Variants in PRAG1 observed in about 807,000 individuals in gnomAD.
PRAG1 encodes the protein PEAK1 related, kinase-activating pseudokinase 1, also known as inactive tyrosine-protein kinase PRAG1.
A neutral mutation model predicts 95.6 loss-of-function variants in PRAG1; 110 were observed. The ratio of observed to expected loss-of-function variants is 1.15; its 90% CI spans 0.99 to 1.35. The LOEUF (loss-of-function observed/expected upper bound fraction) is 1.35, where lower values mean the gene tolerates loss of function less well. Among genes scored for constraint, PRAG1 ranks in the 40% most tolerant of loss-of-function variants. The pLI, the probability that PRAG1 is intolerant of heterozygous loss-of-function variation, is 0.00. For missense variants in PRAG1, 2,554 were observed against 1,864.7 expected, an observed-to-expected ratio of 1.37 and a Z score of -6.81; for synonymous variants, 1,052 against 819.4, an observed-to-expected ratio of 1.28 and a Z score of -4.85.
chr8:8,318,919 C>A lies in PRAG1; in HGVS notation c.3456G>T (p.Leu1152=). The part of the protein sequence containing the change: ...IHRDLCLENL[L]LVHCTLQAGP... ...CGGCCTGGAGGGTGCAGTGCACCAG[C>A]AGCAGGTTCTCCAGGCACAGGTCCC... Residue 1152 remains leucine (L), a synonymous_variant, in exon 6 of 6, where the codon CTG becomes CTT. Coordinates refer to ENST00000615670, the MANE Select transcript of PRAG1 (RefSeq NM_001080826.3). The surrounding 1 kb of genome is among the most constrained non-coding windows in gnomAD (Gnocchi z 4.2). The A allele has an allele frequency of 6.2e-7, 1 of 1,609,088 alleles. No homozygotes were observed. The highest frequency in any genetic ancestry group is 8.5e-7 in the Non-Finnish European group (1 of 1,178,218).
chr8:8,318,853 GGGGGCGGGAGCC>G lies in PRAG1; in HGVS notation c.3510_3521del (p.Pro1172_Ala1175del). ...AGGAGCAGGGAGGCGCGGCGGCGGC[GGGGGCGGGAGCC>G]GGGGCGGGGGCGGGGGCGGGCCCGG... On this transcript the variant is annotated inframe_deletion, in exon 6 of 6. Transcript: ENST00000615670. This position sits in a 1 kb window ranked among gnomAD's most constrained non-coding sequence, Gnocchi z 4.2. 3 of 1,264,434 alleles carry G rather than the reference GGGGGCGGGAGCC, an allele frequency of 2.4e-6. No individual in the cohort carries two copies. The highest frequency in any genetic ancestry group is 1.7e-5 in the African/African-American group (1 of 60,134). The allele number at this position is 1,264,434 out of a possible 1,614,324, so 78.3% of individuals were successfully genotyped here.
Position 8,318,504 on chromosome 8 carries a change from G to A in PRAG1, c.3871C>T (p.Pro1291Ser). The A allele has an allele frequency of 6.2e-7, 1 of 1,611,556 alleles. No individual in the cohort carries two copies. Among genetic ancestry groups the A allele is most frequent in the Non-Finnish European group, 8.5e-7 (1 of 1,179,540 alleles). ...CCGGGTGAGTAGAGGGACAGCGCGG[G>A]CAGCGGCGGCAGGTCCTCCTGCCGG... ...DYRQEDLPPLPALSLYSPGLQ... is the reference protein window; with the variant it reads ...DYRQEDLPPLSALSLYSPGLQ... The change falls in exon 6 of 6, where the codon CCC becomes TCC. Residue 1291 changes from proline to serine, a missense_variant. Pro to Ser is a moderately conservative substitution (Grantham distance 74). Transcript: ENST00000615670. The surrounding 1 kb of genome is among the most constrained non-coding windows in gnomAD (Gnocchi z 4.2).
intron 3 of PRAG1, among the ~76,000 whole-genome samples, chr8:8,354,652 C>T (rs1406940011): frequency 6.6e-6 from 1 of 152,110 alleles, no homozygotes; most frequent in Non-Finnish European, 1.5e-5. Flanking sequence ...TGTAATATGT[C>T]ACATTAACAG....
Position 8,318,845 on chromosome 8 carries a change from G to T in PRAG1, c.3530C>A (p.Ala1177Asp). 1 of 1,270,082 alleles carries T rather than the reference G, an allele frequency of 7.9e-7. No individual in the cohort carries two copies. The highest frequency in any genetic ancestry group is 2.5e-5 in the South Asian group (1 of 40,140). 78.7% of individuals were successfully genotyped at this position (1,270,082 alleles called of 1,614,324 possible). A position where few individuals can be genotyped will look rare whatever the true frequency, so the allele number is the denominator to read the frequency against. ...GGCGGCAGAGGAGCAGGGAGGCGCG[G>T]CGGCGGCGGGGGCGGGAGCCGGGGC... ...APAPAPAPAAAAPPCSSAAPP... is the reference protein window; with the variant it reads ...APAPAPAPAADAPPCSSAAPP... Residue 1177 changes from alanine to aspartate, a missense_variant, in exon 6 of 6, where the codon GCC (alanine) becomes GAC (aspartate). Transcript: ENST00000615670. This position sits in a 1 kb window ranked among gnomAD's most constrained non-coding sequence, Gnocchi z 4.2.
intron 3 of PRAG1, among the ~76,000 whole-genome samples, chr8:8,371,090 A>C (rs117922409): frequency 0.014 from 2,121 of 148,078 alleles, 21 homozygotes; most frequent in Non-Finnish European, 0.022. Flanking sequence ...AAGGCAAGGT[A>C]CCACCACTGT....
At position 8,381,837 on chromosome 8, in the gene PRAG1, A is replaced by G; in HGVS notation, c.-87-3T>C. On this transcript the variant is annotated splice_polypyrimidine_tract_variant and splice_region_variant and intron_variant, in intron 1 of 5. Coordinates refer to ENST00000615670, the MANE Select transcript of PRAG1 (RefSeq NM_001080826.3). Reference sequence around the variant, plus strand: ...GAGGTGGGTCACAGAGCGGCTTCCTAGAAAGGCAGGACAGTTTCCTGATTA... The same window carrying G: ...GAGGTGGGTCACAGAGCGGCTTCCTGGAAAGGCAGGACAGTTTCCTGATTA... 9.5e-7 allele frequency: 1 copy of G among 1,050,908 alleles called. No individual in the cohort carries two copies. Among genetic ancestry groups the G allele is most frequent in the Non-Finnish European group, 1.4e-6 (1 of 740,368 alleles). 65.1% of individuals were successfully genotyped at this position (1,050,908 alleles called of 1,614,324 possible).
chr8:8,324,975 G>C (rs748843838), intron 5 of PRAG1, among the ~76,000 whole-genome samples: 2 of 152,204 alleles, frequency 1.3e-5, no homozygotes, highest in Non-Finnish European at 2.9e-5. Context: ...CATCAGCAAG[G>C]AGCAGGTGTG....
In PRAG1 at chr8:8,377,062, A is replaced by T; in HGVS notation, c.1347T>A (p.Asn449Lys). Reference protein sequence around the residue: ...AQGQGQVCTGNAWAQKAASGW... With the variant: ...AQGQGQVCTGKAWAQKAASGW... ...CAGATGCTGCTTTCTGGGCCCAGGCATTACCTGTGCATACCTGGCCTTGGC... is the reference window on the plus strand; with the variant it reads ...CAGATGCTGCTTTCTGGGCCCAGGCTTTACCTGTGCATACCTGGCCTTGGC... Residue 449 changes from asparagine (N) to lysine (K), a missense_variant, in exon 3 of 6, where the codon AAT (asparagine) becomes AAA (lysine). Asn to Lys is a moderately conservative substitution (Grantham distance 94, BLOSUM62 0). Coordinates refer to ENST00000615670, the MANE Select transcript of PRAG1 (RefSeq NM_001080826.3). The T allele has an allele frequency of 6.2e-7, 1 of 1,613,974 alleles. No individual in the cohort carries two copies. Among genetic ancestry groups the T allele is most frequent in the Non-Finnish European group, 8.5e-7 (1 of 1,180,026 alleles).
intron 3 of PRAG1, among the ~76,000 whole-genome samples, chr8:8,350,688 T>G (rs551554942): frequency 6.6e-6 from 1 of 152,330 alleles, no homozygotes; most frequent in East Asian, 1.9e-4. Flanking sequence ...TGAACACTGG[T>G]GCTTCACGGC....
In PRAG1 at chr8:8,318,217, C is replaced by T; in HGVS notation, c.4158G>A (p.Gln1386=). Residue 1386 remains glutamine (Q), a synonymous_variant, in exon 6 of 6, where the codon CAG becomes CAA. Transcript: ENST00000615670. The surrounding 1 kb of genome is among the most constrained non-coding windows in gnomAD (Gnocchi z 4.2). ...CCCCGGGCTCCGCAGACGCCAGGTA[C>T]TGGCAGCAAAGCCAGTCCTCCAGCT... ...GVELEDWLCC[Q]YLASAEPGAL... is the part of the protein sequence containing the mutation. 6 of 1,614,156 alleles carry T rather than the reference C, an allele frequency of 3.7e-6. No individual in the cohort carries two copies. Among genetic ancestry groups the T allele is most frequent in the Non-Finnish European group, 5.1e-6 (6 of 1,180,016 alleles).
chr8:8,318,765 G>A lies in PRAG1; in HGVS notation c.3610C>T (p.Pro1204Ser). The change falls in exon 6 of 6, where the codon CCC (proline) becomes TCC (serine). Residue 1204 changes from proline to serine, a missense_variant. Physicochemically the swap from Pro to Ser is moderately conservative, Grantham distance 74. Coordinates refer to ENST00000615670, the MANE Select transcript of PRAG1 (RefSeq NM_001080826.3). The surrounding 1 kb of genome is among the most constrained non-coding windows in gnomAD (Gnocchi z 4.2). ...AGCCGGGGCAGCTGCTTCTCCCGGG[G>A]CCCTTCCGGGGAGGCGGGGCCGGCT... ...PAAGPASPEGPREKQLPRLII... is the reference protein window; with the variant it reads ...PAAGPASPEGSREKQLPRLII... The A allele has an allele frequency of 2.5e-6, 4 of 1,574,774 alleles. No individual in the cohort carries two copies. Among genetic ancestry groups the A allele is most frequent in the Non-Finnish European group, 3.4e-6 (4 of 1,160,492 alleles).
intron 3 of PRAG1, among the ~76,000 whole-genome samples, chr8:8,355,120 A>T (rs1437590193): frequency 1.4e-5 from 2 of 147,830 alleles, no homozygotes; most frequent in Non-Finnish European, 3.0e-5. Flanking sequence ...TTCCACATAC[A>T]AAAAAACAAT....
At chr8:8,384,385 A>G (rs1179811855) in intron 1 of PRAG1, among the ~76,000 whole-genome samples, 1 of 151,756 alleles carries the variant, frequency 6.6e-6, no homozygotes, top group Admixed American at 6.6e-5. Context: ...GTTTACGAGC[A>G]CTCTTTGCTC....
intron 3 of PRAG1, among the ~76,000 whole-genome samples, chr8:8,356,512 A>AT (rs1839298104): frequency 6.6e-6 from 1 of 151,930 alleles, no homozygotes; most frequent in Non-Finnish European, 1.5e-5. Context: ...TGCCCAGCTA[A>AT]TTTTTTTGTA....
rs201037392 is a variant in PRAG1 at position 8,318,976 on chromosome 8, C to T, written c.3399G>A (p.Leu1133=). ...CFLLLQLCNG[L]EHLKEHGIIH... is the part of the protein sequence containing the mutation. ...TGATCCCGTGCTCCTTCAGGTGCTC[C>T]AGCCCGTTGCAGAGTTGCAGAAGCA... The change falls in exon 6 of 6, where the codon CTG becomes CTA. Residue 1133 remains leucine, a synonymous_variant. Coordinates refer to ENST00000615670, the MANE Select transcript of PRAG1 (RefSeq NM_001080826.3). This position sits in a 1 kb window ranked among gnomAD's most constrained non-coding sequence, Gnocchi z 4.2. The T allele has an allele frequency of 6.8e-5, 109 of 1,613,312 alleles. No homozygotes were observed. In the African/African-American group the frequency reaches 1.2e-3, roughly 18 times the overall value.
rs537610967 is a variant in PRAG1, at chr8:8,369,889, C to G, written c.2162+6358G>C. 2.6e-5 allele frequency among the ~76,000 whole-genome samples: 4 copies of G among 152,096 alleles called. No homozygotes were observed. In the East Asian group the frequency reaches 7.7e-4, roughly 29 times the overall value. ...AAGAACCTGTCTCAACAAAGGGAAT[C>G]AAAGCAGGGGTCAAGCTTTGACAGT... is the stretch of plus-strand genomic sequence containing the variant. On this transcript the variant is annotated intron_variant, in intron 3 of 5. Coordinates refer to ENST00000615670, the MANE Select transcript of PRAG1 (RefSeq NM_001080826.3).
intron 3 of PRAG1, among the ~76,000 whole-genome samples, chr8:8,354,389 A>C (rs945222075): frequency 6.6e-6 from 1 of 152,116 alleles, no homozygotes; most frequent in African/African-American, 2.4e-5. Flanking sequence ...CCAAAAAAAA[A>C]AAATAATAAT....
rs1376210417 is a variant in PRAG1, at chr8:8,377,757, T to C, written c.652A>G (p.Thr218Ala). 1.2e-6 allele frequency: 2 copies of C among 1,614,064 alleles called. No homozygotes were observed. The highest frequency in any genetic ancestry group is 1.7e-6 in the Non-Finnish European group (2 of 1,180,002). ...RQKLAAFAGT[T>A]SGCHQGPGPL... ...CCAGGGCCCTGGTGACAGCCAGATG[T>C]GGTCCCAGCAAAGGCAGCCAGTTTC... is the stretch of plus-strand genomic sequence containing the variant. Residue 218 changes from threonine to alanine, a missense_variant, in exon 3 of 6, where the codon ACA becomes GCA. Transcript: ENST00000615670.
chr8:8,326,251 A>C (rs2117111056), intron 5 of PRAG1, among the ~76,000 whole-genome samples: 1 of 148,226 alleles, frequency 6.7e-6, no homozygotes, highest in East Asian at 1.9e-4. Flanking sequence ...CTGAATATTA[A>C]TAGTAATAAT....
Sources: gnomAD v4.1 joint callset for allele counts (sites outside exome capture counted in the v4.1 genomes callset) on GRCh38, gnomAD v4.1.1 for gene constraint, Gnocchi (gnomAD v3.1) non-coding constraint, MANE v1.5 for transcripts, NCBI Gene and HGNC (gene_info 2026-07-23, HGNC 2026-07-21) for gene names.